The following PDCD6IP variants were observed in gnomAD, a reference collection of about 807,000 sequenced individuals.
PDCD6IP encodes the protein programmed cell death 6-interacting protein.
A neutral mutation model predicts 103.7 loss-of-function variants in PDCD6IP; 43 were observed. The observed-to-expected ratio is 0.41, with a 90% confidence interval of 0.32 to 0.53. The LOEUF is 0.53. Among genes scored for constraint, PDCD6IP ranks in the 20% least tolerant of loss-of-function variants. The pLI, the probability that PDCD6IP is intolerant of heterozygous loss-of-function variation, is 0.16. For missense variants in PDCD6IP, 871 were observed against 1,036.7 expected (o/e 0.84, Z 2.20); for synonymous variants, 354 against 378.7 (o/e 0.93, Z 0.76).
Position 33,798,697 on chromosome 3 carries a change from G to A in PDCD6IP, c.-32G>A. 2 of 1,518,366 alleles carry A rather than the reference G, an allele frequency of 1.3e-6. No homozygotes were observed. Among genetic ancestry groups the A allele is most frequent in the Non-Finnish European group, 1.8e-6 (2 of 1,125,256 alleles). 94.1% of individuals were successfully genotyped at this position (1,518,366 alleles called of 1,614,324 possible). On this transcript the variant is annotated 5_prime_UTR_variant, in exon 1 of 18. Coordinates refer to ENST00000307296, the MANE Select transcript of PDCD6IP (RefSeq NM_013374.6). ...GGCCCTCGTAAGCTGTCCGCGGTCT[G>A]TTTGGCCCGAACGGCGGCGGAGGCG... is the stretch of plus-strand genomic sequence containing the variant.
At chr3:33,858,699 A>G (rs1013814921) in intron 15 of PDCD6IP, among the ~76,000 whole-genome samples, 5 of 151,784 alleles carry the variant, frequency 3.3e-5, no homozygotes, top group African/African-American at 1.2e-4. Flanking sequence ...AATCCCAGCT[A>G]CTCGAGAGGC....
Position 33,858,854 on chromosome 3 carries a change from TATGCTTTTGATATGCAAAC to T in PDCD6IP, c.2120+3625_2120+3643del, listed in dbSNP as rs538324329. Among the ~76,000 whole-genome samples, 119 of 152,222 alleles carry T rather than the reference TATGCTTTTGATATGCAAAC, an allele frequency of 7.8e-4. No homozygotes were observed. The East Asian group carries it at 0.016, about 20-fold the overall frequency. On this transcript the variant is annotated intron_variant, in intron 15 of 17. Transcript: ENST00000307296. Reference sequence around the variant, plus strand: ...AACAAAAGAAATAAACATGCATTCATATGCTTTTGATATGCAAACATGCTTTTGATATGCAAACATGCTT... The same window carrying T: ...AACAAAAGAAATAAACATGCATTCATATGCTTTTGATATGCAAACATGCTT...
intron 7 of PDCD6IP, among the ~76,000 whole-genome samples, chr3:33,833,001 A>C (rs1358796360): frequency 6.6e-6 from 1 of 152,160 alleles, no homozygotes; most frequent in African/African-American, 2.4e-5. Context: ...ACCCAACTTA[A>C]GTGATTATCA....
intron 14 of PDCD6IP, among the ~76,000 whole-genome samples, chr3:33,854,241 A>G (rs1559795835): frequency 6.6e-6 from 1 of 152,202 alleles, no homozygotes; most frequent in Admixed American, 6.5e-5. Flanking sequence ...CTGGCAGAAA[A>G]GGGGTATAAA....
At chr3:33,849,982 G>A (rs1697678443) in intron 12 of PDCD6IP, among the ~76,000 whole-genome samples, 1 of 152,098 alleles carries the variant, frequency 6.6e-6, no homozygotes, top group Non-Finnish European at 1.5e-5. Context: ...CACAGAATTT[G>A]TTAACTATTT....
In PDCD6IP at chr3:33,799,041, C is replaced by T. The variant is rs1575891261; in HGVS notation, c.209+104C>T. ...CAATCCTGTAACCTGGGCGGAGCCG[C>T]CCCGTCCCGGCCTGACCAGGCGCGT... On this transcript the variant is annotated intron_variant, in intron 1 of 17. Transcript: ENST00000307296. The T allele has an allele frequency of 1.1e-5, 13 of 1,141,928 alleles. No individual in the cohort carries two copies. The South Asian group carries it at 1.6e-4, about 14-fold the overall frequency. The allele number at this position is 1,141,928 out of a possible 1,614,324, so 70.7% of individuals were successfully genotyped here.
intron 1 of PDCD6IP, among the ~76,000 whole-genome samples, chr3:33,810,066 G>A (rs553144915): frequency 4.6e-5 from 7 of 152,242 alleles, no homozygotes; most frequent in Non-Finnish European, 1.0e-4. Context: ...TAAATATTTT[G>A]TGGGGAGATA....
Position 33,844,132 on chromosome 3 carries a change from A to C in PDCD6IP, c.1380A>C (p.Glu460Asp). The C allele has an allele frequency of 6.3e-7, 1 of 1,599,290 alleles. No individual in the cohort carries two copies. The highest frequency in any genetic ancestry group is 8.5e-7 in the Non-Finnish European group (1 of 1,175,816). Residue 460 changes from glutamate to aspartate, a missense_variant, in exon 11 of 18, where the codon GAA becomes GAC. Transcript: ENST00000307296. ...TAAAGTCATTAAGGTTGTTGGATGAAGAAGAAGCAACCGATAATGATTTAA... is the reference window on the plus strand; with the variant it reads ...TAAAGTCATTAAGGTTGTTGGATGACGAAGAAGCAACCGATAATGATTTAA... Reference protein sequence around the residue: ...ILDESLRLLDEEEATDNDLRA... With the variant: ...ILDESLRLLDDEEATDNDLRA...
chr3:33,807,815 T>C (rs539756967), intron 1 of PDCD6IP, among the ~76,000 whole-genome samples: 89 of 152,366 alleles, frequency 5.8e-4, no homozygotes, highest in Non-Finnish European at 1.0e-3. Flanking sequence ...TACATACTTA[T>C]TATATGCTTG....
At chr3:33,844,271 G>C (rs762175990) in intron 11 of PDCD6IP, 48 bp downstream of exon 11, 38 of 1,070,540 alleles carry the variant, frequency 3.5e-5, no homozygotes, top group Non-Finnish European at 4.7e-5. Context: ...TCCCAATTTC[G>C]ACCCACGTTT....
intron 1 of PDCD6IP, chr3:33,810,996 C>A: frequency 3.4e-6 from 1 of 296,726 alleles, no homozygotes; most frequent in South Asian, 2.5e-5. Context: ...AGTGATCCTC[C>A]CACCTCAGCC....
chr3:33,821,139 A>G (rs895905596), intron 3 of PDCD6IP, among the ~76,000 whole-genome samples: 44 of 151,766 alleles, frequency 2.9e-4, no homozygotes, highest in Admixed American at 1.6e-3. Flanking sequence ...AGCTAGGACT[A>G]TAGACATGCA....
At chr3:33,835,042 C>T (rs1000204860) in intron 7 of PDCD6IP, among the ~76,000 whole-genome samples, 5 of 152,056 alleles carry the variant, frequency 3.3e-5, no homozygotes, top group African/African-American at 7.2e-5. Flanking sequence ...AGAAATTTTA[C>T]ATCTTTCTGG....
chr3:33,849,201 T>A (rs1400748369), intron 12 of PDCD6IP, among the ~76,000 whole-genome samples: 1 of 152,252 alleles, frequency 6.6e-6, no homozygotes, highest in Admixed American at 6.5e-5. Flanking sequence ...CTGTTCTGCC[T>A]TTTGTTTACT....
intron 12 of PDCD6IP, among the ~76,000 whole-genome samples, chr3:33,848,695 G>T (rs1236823182): frequency 2.6e-5 from 4 of 152,136 alleles, no homozygotes; most frequent in East Asian, 1.9e-4. Flanking sequence ...GAGCTACCGC[G>T]CCCGGCCCAT....
At chr3:33,819,640 C>T (rs1268419942) in intron 3 of PDCD6IP, among the ~76,000 whole-genome samples, 1 of 152,190 alleles carries the variant, frequency 6.6e-6, no homozygotes, top group Non-Finnish European at 1.5e-5. Flanking sequence ...GAGGGCTTTA[C>T]TTTATGGTAC....
rs1698108453 is a variant in PDCD6IP at position 33,868,205 on chromosome 3, A to G, written c.*1680A>G. 1 of 152,224 alleles carries G rather than the reference A, an allele frequency of 6.6e-6. No homozygotes were observed. The highest frequency in any genetic ancestry group is 2.4e-5 in the African/African-American group (1 of 41,450). 9.4% of individuals were successfully genotyped at this position (152,224 alleles called of 1,614,324 possible). A position where few individuals can be genotyped will look rare whatever the true frequency, so the allele number is the denominator to read the frequency against. Reference sequence around the variant, plus strand: ...TCTGTAAGTGGCATTTAAGTTCCACATTCTTATTACTTGAGGTACTTTATA... The same window carrying G: ...TCTGTAAGTGGCATTTAAGTTCCACGTTCTTATTACTTGAGGTACTTTATA... On this transcript the variant is annotated 3_prime_UTR_variant, in exon 18 of 18. Transcript: ENST00000307296.
In PDCD6IP at chr3:33,866,465, C is replaced by G; in HGVS notation, c.2547C>G (p.Pro849=). 1 of 1,612,200 alleles carries G rather than the reference C, an allele frequency of 6.2e-7. No homozygotes were observed. The highest frequency in any genetic ancestry group is 8.5e-7 in the Non-Finnish European group (1 of 1,179,366). The change falls in exon 18 of 18, where the codon CCC becomes CCG. Residue 849 remains proline (P), a synonymous_variant. Transcript: ENST00000307296. ...CTGGACAGGCTCCATACCCGGGACC[C>G]CAGCAGCCTTCATACCCCTTCCCTC... is the stretch of plus-strand genomic sequence containing the variant. The part of the protein sequence containing the change: ...QSPGQAPYPG[P]QQPSYPFPQP...
At chr3:33,844,803 A>G (rs1697555950) in intron 11 of PDCD6IP, among the ~76,000 whole-genome samples, 1 of 152,198 alleles carries the variant, frequency 6.6e-6, no homozygotes, top group Admixed American at 6.5e-5. Context: ...TTAAAAACAT[A>G]AATGAGAGCA....
Sources: allele counts gnomAD v4.1 joint callset (sites outside exome capture counted in the v4.1 genomes callset), GRCh38; gene constraint gnomAD v4.1.1; transcripts MANE v1.5; gene names NCBI Gene and HGNC (gene_info 2026-07-23, HGNC 2026-07-21).